The following SGCZ variants were observed in gnomAD, a reference collection of about 807,000 sequenced individuals.
SGCZ encodes the protein zeta-sarcoglycan.
In SGCZ, 40 loss-of-function variants were observed where a neutral mutation model predicts 41.3. The ratio of observed to expected loss-of-function variants is 0.97; its 90% CI spans 0.75 to 1.26. The LOEUF is 1.26. SGCZ is among the 50% of genes most tolerant of loss of function. The pLI, the probability that SGCZ is intolerant of heterozygous loss-of-function variation, is 0.00. For synonymous variants in SGCZ, 206 were observed against 137.5 expected (o/e 1.50, Z -3.49); for missense variants, 552 against 369.8 (o/e 1.49, Z -4.04).
Position 14,155,002 on chromosome 8 carries a change from G to A in SGCZ, c.547+9578C>T, listed in dbSNP as rs116685938. 6.8e-3 allele frequency among the ~76,000 whole-genome samples: 1,039 copies of A among 152,188 alleles called. 14 individuals are homozygous for A. Among genetic ancestry groups the A allele is most frequent in the African/African-American group, 0.023 (970 of 41,524 alleles). ...GAAGGCCGTTGAAATTGCAGGTTGC[G>A]AGCAAAATAAATGCCATCAACTGAT... is the stretch of plus-strand genomic sequence containing the variant. On this transcript the variant is annotated intron_variant, in intron 5 of 7. Coordinates refer to ENST00000382080, the MANE Select transcript of SGCZ (RefSeq NM_139167.4).
chr8:15,080,733 G>T (rs113991941), intron 1 of SGCZ, among the ~76,000 whole-genome samples: 1 of 151,898 alleles, frequency 6.6e-6, no homozygotes, highest in Non-Finnish European at 1.5e-5. Flanking sequence ...TTGGATTACA[G>T]GTGCCTGTCA....
chr8:14,973,834 T>C (rs772333333), intron 1 of SGCZ, among the ~76,000 whole-genome samples: 1 of 152,200 alleles, frequency 6.6e-6, no homozygotes, highest in Non-Finnish European at 1.5e-5. Flanking sequence ...TTGCAGGAGT[T>C]CTTGTTGATT....
Position 14,765,903 on chromosome 8 carries a change from C to T in SGCZ, c.40-210977G>A, listed in dbSNP as rs547186496. Among the ~76,000 whole-genome samples the T allele has an allele frequency of 1.6e-3, 236 of 151,492 alleles. 1 individual carries two copies. Among genetic ancestry groups the T allele is most frequent in the Middle Eastern group, 3.4e-3 (1 of 290 alleles). The stretch of plus-strand genomic sequence containing the variant: ...ATCTTGGAGGAGAGAGGTTGCCAGG[C>T]ACATCATCACTGTCATTACCACATT... On this transcript the variant is annotated intron_variant, in intron 1 of 7. Transcript: ENST00000382080.
At chr8:14,934,339 A>C (rs1800017040) in intron 1 of SGCZ, among the ~76,000 whole-genome samples, 1 of 151,980 alleles carries the variant, frequency 6.6e-6, no homozygotes, top group African/African-American at 2.4e-5. Context: ...TATTTAAATT[A>C]AAAGTATTCA....
intron 1 of SGCZ, among the ~76,000 whole-genome samples, chr8:14,621,745 G>A (rs1473487456): frequency 2.0e-5 from 3 of 151,972 alleles, no homozygotes; most frequent in Admixed American, 1.3e-4. Context: ...CAGCATGGGG[G>A]AAACCCACTC....
intron 1 of SGCZ, among the ~76,000 whole-genome samples, chr8:14,684,780 A>G (rs1205024111): frequency 2.0e-5 from 3 of 150,404 alleles, no homozygotes; most frequent in African/African-American, 7.4e-5. Flanking sequence ...CTTTCCTTTC[A>G]AAAAAAAATC....
intron 1 of SGCZ, among the ~76,000 whole-genome samples, chr8:14,641,625 A>G (rs117842264): frequency 0.033 from 4,961 of 151,776 alleles, 137 homozygotes; most frequent in Middle Eastern, 0.078. Flanking sequence ...AGTATTATTT[A>G]TTCACAGTCT....
At chr8:14,505,213 T>C (rs1802269913) in intron 2 of SGCZ, among the ~76,000 whole-genome samples, 1 of 152,152 alleles carries the variant, frequency 6.6e-6, no homozygotes, top group South Asian at 2.1e-4. Context: ...GGTTCTTAAG[T>C]ACTCTGCATA....
At chr8:14,590,350 A>G (rs948165208) in intron 1 of SGCZ, among the ~76,000 whole-genome samples, 4 of 151,974 alleles carry the variant, frequency 2.6e-5, no homozygotes, top group African/African-American at 9.6e-5. Context: ...ATATTTTGGA[A>G]ATATCTGGAA....
intron 1 of SGCZ, among the ~76,000 whole-genome samples, chr8:15,036,483 A>C (rs1803881758): frequency 6.6e-6 from 1 of 152,086 alleles, no homozygotes; most frequent in South Asian, 2.1e-4. Context: ...TGATAAAATA[A>C]TCAGTACAAC....
intron 1 of SGCZ, among the ~76,000 whole-genome samples, chr8:15,102,088 T>C (rs955142749): frequency 1.3e-5 from 2 of 152,170 alleles, no homozygotes; most frequent in Non-Finnish European, 2.9e-5. Flanking sequence ...AAAATTTATG[T>C]CCACACAAAA....
intron 3 of SGCZ, 123 bp downstream of exon 3, chr8:14,323,980 G>T: frequency 1.7e-6 from 1 of 596,964 alleles, no homozygotes; most frequent in Non-Finnish European, 2.9e-6. Flanking sequence ...TCTAAACATA[G>T]GTGTTTAGCT....
chr8:14,908,128 T>G (rs773532411), intron 1 of SGCZ, among the ~76,000 whole-genome samples: 11 of 152,142 alleles, frequency 7.2e-5, no homozygotes, highest in South Asian at 6.2e-4. Context: ...AGGTAGTTAA[T>G]AGAACCTTTT....
At chr8:15,122,438 T>G (rs1807517704) in intron 1 of SGCZ, among the ~76,000 whole-genome samples, 1 of 152,172 alleles carries the variant, frequency 6.6e-6, no homozygotes, top group Non-Finnish European at 1.5e-5. Context: ...TCAAATATCT[T>G]ATTTCCTGTG....
chr8:14,563,366 G>C (rs932988063), intron 1 of SGCZ, among the ~76,000 whole-genome samples: 7 of 152,128 alleles, frequency 4.6e-5, no homozygotes, highest in African/African-American at 1.7e-4. Flanking sequence ...CTGGATAGAC[G>C]GCAAAGGCTA....
intron 1 of SGCZ, among the ~76,000 whole-genome samples, chr8:14,606,002 T>C (rs1805736315): frequency 6.6e-6 from 1 of 152,178 alleles, no homozygotes; most frequent in South Asian, 2.1e-4. Context: ...ATAATCATTC[T>C]GTATACCTTT....
chr8:15,010,683 G>C, intron 1 of SGCZ, among the ~76,000 whole-genome samples: 1 of 152,176 alleles, frequency 6.6e-6, no homozygotes, highest in Non-Finnish European at 1.5e-5. Context: ...GCCAGATGAA[G>C]AAAGTCAGAA....
chr8:14,466,273 T>G (rs1801046583), intron 2 of SGCZ, among the ~76,000 whole-genome samples: 1 of 151,982 alleles, frequency 6.6e-6, no homozygotes, highest in African/African-American at 2.4e-5. Context: ...TTTGTTTGTT[T>G]GCTACTTTAA....
At chr8:15,166,414 G>A (rs2085122) in intron 1 of SGCZ, among the ~76,000 whole-genome samples, 32,711 of 151,494 alleles carry the variant, frequency 0.22, 4,516 homozygotes, top group East Asian at 0.68. Context: ...TGCCCAGCTA[G>A]TTTTTTCTAT....
Sources: allele counts gnomAD v4.1 joint callset (sites outside exome capture counted in the v4.1 genomes callset), GRCh38; gene constraint gnomAD v4.1.1; transcripts MANE v1.5; gene names NCBI Gene and HGNC (gene_info 2026-07-23, HGNC 2026-07-21).